MCPH1: variants seen among roughly 807,000 people sequenced by gnomAD.
MCPH1 encodes the protein microcephalin.
A neutral mutation model predicts 84.5 loss-of-function variants in MCPH1; 104 were observed. That is an observed-to-expected ratio of 1.23 (90% CI 1.05 to 1.45). The LOEUF is 1.45. Among genes scored for constraint, MCPH1 ranks in the 40% most tolerant of loss-of-function variants. The probability of loss-of-function intolerance (pLI) is 0.00; values close to 1 mark genes in which losing one functional copy is unlikely to be tolerated. For synonymous variants in MCPH1, 514 were observed against 366.8 expected (o/e 1.40, Z -4.58); for missense variants, 1,498 against 1,005.7 (o/e 1.49, Z -6.62).
intron 13 of MCPH1, among the ~76,000 whole-genome samples, chr8:6,633,225 A>G (rs1797295483): frequency 1.3e-5 from 2 of 152,140 alleles, no homozygotes; most frequent in Admixed American, 1.3e-4. Context: ...AAAAAAAATT[A>G]CAAGAATTAT....
At chr8:6,580,161 G>T (rs58624812) in intron 12 of MCPH1, among the ~76,000 whole-genome samples, 1 of 152,072 alleles carries the variant, frequency 6.6e-6, no homozygotes, top group Non-Finnish European at 1.5e-5. Context: ...GTCCACCAAG[G>T]TTCTTGGGCT....
At chr8:6,513,277 T>C (rs1815540483) in intron 12 of MCPH1, among the ~76,000 whole-genome samples, 1 of 152,288 alleles carries the variant, frequency 6.6e-6, no homozygotes, top group East Asian at 1.9e-4. Flanking sequence ...ATTGTGTTTC[T>C]CATTTTCTGG....
In MCPH1 at chr8:6,648,489, CT is replaced by C. The variant is rs1202895724; in HGVS notation, c.*5441del. 1.4e-5 allele frequency: 2 copies of C among 142,866 alleles called. No homozygotes were observed. Among genetic ancestry groups the C allele is most frequent in the East Asian group, 2.6e-4 (1 of 3,848 alleles). 8.8% of individuals were successfully genotyped at this position (142,866 alleles called of 1,614,324 possible). A position where few individuals can be genotyped will look rare whatever the true frequency, so the allele number is the denominator to read the frequency against. ...AGAACAAAAGTGGAATAAATAAAAA[CT>C]AACTGTCTCATTTCAGCACTGGCAG... is the stretch of plus-strand genomic sequence containing the variant. On this transcript the variant is annotated 3_prime_UTR_variant, in exon 14 of 14. Coordinates refer to ENST00000344683, the MANE Select transcript of MCPH1 (RefSeq NM_024596.5).
rs1563172267 is a variant in MCPH1 at position 6,414,985 on chromosome 8, A to T, written c.233+102A>T. ...CAGAACCAGATAAAGTTTGATTTTC[A>T]TCTTTTCTCTGCCTCTTACCTCACC... On this transcript the variant is annotated intron_variant, in intron 3 of 13. Transcript: ENST00000344683. 3.3e-6 allele frequency: 4 copies of T among 1,219,300 alleles called. No homozygotes were observed. In the African/African-American group the frequency reaches 4.5e-5, roughly 14 times the overall value. The allele number at this position is 1,219,300 out of a possible 1,614,324, so 75.5% of individuals were successfully genotyped here. A position where few individuals can be genotyped will look rare whatever the true frequency, so the allele number is the denominator to read the frequency against.
At chr8:6,640,865 G>C (rs1460004419) in intron 13 of MCPH1, among the ~76,000 whole-genome samples, 1 of 152,176 alleles carries the variant, frequency 6.6e-6, no homozygotes, top group Non-Finnish European at 1.5e-5. Flanking sequence ...AGGGGACCAT[G>C]TTGTTTTTAA....
At chr8:6,470,510 C>G (rs1229251809) in intron 9 of MCPH1, among the ~76,000 whole-genome samples, 1 of 152,184 alleles carries the variant, frequency 6.6e-6, no homozygotes, top group Non-Finnish European at 1.5e-5. Context: ...GTCTCGAACT[C>G]CTGACCTCAA....
chr8:6,637,764 A>C (rs1373787778), intron 13 of MCPH1, among the ~76,000 whole-genome samples: 1 of 151,788 alleles, frequency 6.6e-6, no homozygotes, highest in Admixed American at 6.6e-5. Flanking sequence ...AAGTGCTGAC[A>C]CATGTTTTTT....
intron 12 of MCPH1, among the ~76,000 whole-genome samples, chr8:6,528,308 A>G (rs1412062630): frequency 6.6e-6 from 1 of 152,248 alleles, no homozygotes; most frequent in African/African-American, 2.4e-5. Flanking sequence ...CAATGAGACA[A>G]GTAGGAGTAT....
chr8:6,425,157 G>T (rs1001839599), intron 3 of MCPH1, among the ~76,000 whole-genome samples: 1 of 152,208 alleles, frequency 6.6e-6, no homozygotes, highest in Non-Finnish European at 1.5e-5. Flanking sequence ...TCTCTGGGGA[G>T]AATAAGCTCA....
intron 13 of MCPH1, among the ~76,000 whole-genome samples, chr8:6,631,829 C>G (rs1797184430): frequency 6.6e-6 from 1 of 152,212 alleles, no homozygotes; most frequent in South Asian, 2.1e-4. Flanking sequence ...AACAATTCCT[C>G]TTCTGGGTAT....
chr8:6,579,376 A>C (rs914311892), intron 12 of MCPH1, among the ~76,000 whole-genome samples: 4 of 152,176 alleles, frequency 2.6e-5, no homozygotes, highest in African/African-American at 4.8e-5. Context: ...TTCCCTTGGG[A>C]AATTATGGTG....
intron 12 of MCPH1, among the ~76,000 whole-genome samples, chr8:6,587,838 G>C (rs1219526196): frequency 6.6e-6 from 1 of 152,198 alleles, no homozygotes; most frequent in Non-Finnish European, 1.5e-5. Context: ...AAAAGCACAT[G>C]GAGGAGATAC....
At chr8:6,629,748 G>A (rs1347316400) in intron 13 of MCPH1, among the ~76,000 whole-genome samples, 1 of 152,212 alleles carries the variant, frequency 6.6e-6, no homozygotes, top group Non-Finnish European at 1.5e-5. Context: ...GATATCACCT[G>A]CAGAAATCTG....
chr8:6,552,338 A>C (rs988193338), intron 12 of MCPH1, among the ~76,000 whole-genome samples: 1 of 152,224 alleles, frequency 6.6e-6, no homozygotes, highest in Non-Finnish European at 1.5e-5. Context: ...TGTGTTGCCC[A>C]ATGACAGTAC....
intron 12 of MCPH1, chr8:6,618,725 TA>T (rs1831109551): frequency 6.6e-6 from 1 of 152,174 alleles, no homozygotes; most frequent in South Asian, 2.1e-4. Context: ...ATTATTAGGA[TA>T]TTTTGGGCTT....
intron 12 of MCPH1, among the ~76,000 whole-genome samples, chr8:6,572,348 A>G (rs1346451855): frequency 6.6e-6 from 1 of 152,228 alleles, no homozygotes; most frequent in African/African-American, 2.4e-5. Flanking sequence ...TAAAAATTAA[A>G]AAATGGTACC....
intron 12 of MCPH1, among the ~76,000 whole-genome samples, chr8:6,516,794 T>G (rs2515430): frequency 1.3e-5 from 2 of 152,166 alleles, no homozygotes; most frequent in Admixed American, 1.3e-4. Context: ...GTGTCAAAAT[T>G]ACTGCTATGA....
intron 4 of MCPH1, among the ~76,000 whole-genome samples, chr8:6,432,427 C>A (rs909077252): frequency 6.6e-6 from 1 of 152,274 alleles, no homozygotes; most frequent in South Asian, 2.1e-4. Context: ...AGATCTGGAA[C>A]TTGCAGATAC....
At chr8:6,517,749 C>T (rs191022673) in intron 12 of MCPH1, among the ~76,000 whole-genome samples, 79 of 152,256 alleles carry the variant, frequency 5.2e-4, no homozygotes, top group African/African-American at 1.9e-3. Context: ...ACTGAGCTCT[C>T]AGAAAGGTTA....
Sources: gnomAD v4.1 joint callset for allele counts (sites outside exome capture counted in the v4.1 genomes callset) on GRCh38, gnomAD v4.1.1 for gene constraint, MANE v1.5 for transcripts, NCBI Gene and HGNC (gene_info 2026-07-23, HGNC 2026-07-21) for gene names.